Variants in TMEM178B observed in about 807,000 individuals in gnomAD.
TMEM178B encodes transmembrane protein 178B.
In TMEM178B, 5 loss-of-function variants were observed where a neutral mutation model predicts 31.0. The observed-to-expected ratio is 0.16, with a 90% CI of 0.08 to 0.34. The LOEUF (loss-of-function observed/expected upper bound fraction) is 0.34. TMEM178B is among the 10% of genes least tolerant of loss of function. The pLI, the probability that TMEM178B is intolerant of heterozygous loss-of-function variation, is 1.00. For missense variants in TMEM178B, 275 were observed against 400.3 expected (o/e 0.69, Z 2.67); for synonymous variants, 164 against 164.0 (o/e 1.00, Z 0.00).
chr7:141,468,232 G>T (rs771830524), intron 3 of TMEM178B, among the ~76,000 whole-genome samples: 2 of 152,156 alleles, frequency 1.3e-5, no homozygotes, highest in Non-Finnish European at 2.9e-5. Context: ...CATGCCCCAA[G>T]AACTTCTTCA....
At chr7:141,169,717 G>A (rs763042414) in intron 1 of TMEM178B, among the ~76,000 whole-genome samples, 2 of 152,106 alleles carry the variant, frequency 1.3e-5, no homozygotes, top group African/African-American at 2.4e-5. Flanking sequence ...GCCTCAAAAG[G>A]CTCACAGAGA....
chr7:141,390,101 A>G (rs1241418718), intron 2 of TMEM178B, among the ~76,000 whole-genome samples: 1 of 151,874 alleles, frequency 6.6e-6, no homozygotes, highest in East Asian at 1.9e-4. Context: ...TCTCAGGTTA[A>G]AATTCCCTTT....
intron 2 of TMEM178B, among the ~76,000 whole-genome samples, chr7:141,313,400 GCT>G (rs1798947690): frequency 3.9e-5 from 6 of 152,034 alleles, no homozygotes; most frequent in Non-Finnish European, 7.4e-5. Context: ...GCTCTCTCTT[GCT>G]CTCCCCATGT....
At chr7:141,500,170 G>A in the TMEM178B span, among the ~76,000 whole-genome samples, 1 of 151,972 alleles carries the variant, frequency 6.6e-6, no homozygotes, top group Non-Finnish European at 1.5e-5. Context: ...AAAATTTATT[G>A]ACCATCAATT....
At chr7:141,253,438 G>A (rs1797867541) in intron 2 of TMEM178B, among the ~76,000 whole-genome samples, 1 of 149,164 alleles carries the variant, frequency 6.7e-6, no homozygotes, top group African/African-American at 2.5e-5. Context: ...GTTTATCTTT[G>A]TTTACAAAAT....
chr7:141,098,936 T>C (rs1299082476), intron 1 of TMEM178B, among the ~76,000 whole-genome samples: 1 of 152,150 alleles, frequency 6.6e-6, no homozygotes, highest in African/African-American at 2.4e-5. Context: ...TCTGGCTCCA[T>C]CTCGGCCATT....
chr7:141,202,895 G>T (rs925220917), intron 1 of TMEM178B, among the ~76,000 whole-genome samples: 1 of 152,204 alleles, frequency 6.6e-6, no homozygotes, highest in Non-Finnish European at 1.5e-5. Context: ...ACAGGGCTGT[G>T]GGGGGTGTGG....
chr7:141,467,857 G>A (rs1802172746), intron 3 of TMEM178B, among the ~76,000 whole-genome samples: 1 of 151,456 alleles, frequency 6.6e-6, no homozygotes, highest in African/African-American at 2.4e-5. Context: ...TAGGACGAAG[G>A]TATGAGTATT....
At chr7:141,144,812 C>A (rs1795825928) in intron 1 of TMEM178B, among the ~76,000 whole-genome samples, 1 of 152,138 alleles carries the variant, frequency 6.6e-6, no homozygotes, top group Non-Finnish European at 1.5e-5. Flanking sequence ...AATGCCAGGA[C>A]TGGACCCTGC....
At chr7:141,111,365 G>A (rs1039460645) in intron 1 of TMEM178B, among the ~76,000 whole-genome samples, 8 of 152,168 alleles carry the variant, frequency 5.3e-5, no homozygotes, top group African/African-American at 1.9e-4. Context: ...GAGGATTATG[G>A]GAGCTACAAT....
At chr7:141,508,573 A>C in the TMEM178B span, among the ~76,000 whole-genome samples, 635 of 152,286 alleles carry the variant, frequency 4.2e-3, 7 homozygotes, top group African/African-American at 0.015. Context: ...ATAAAGACAT[A>C]CCCAAAACTG....
At chr7:141,234,130 A>C (rs1292473502) in intron 2 of TMEM178B, among the ~76,000 whole-genome samples, 5 of 152,190 alleles carry the variant, frequency 3.3e-5, no homozygotes, top group Non-Finnish European at 7.3e-5. Context: ...AGTTATATGT[A>C]AAGTCTGTGA....
At chr7:141,487,741 CA>C in the TMEM178B span, among the ~76,000 whole-genome samples, 1,783 of 30,210 alleles carry the variant, frequency 0.059, 5 homozygotes, top group Non-Finnish European at 0.082. Context: ...GACTCCGTCT[CA>C]AAAAAAAAAA....
chr7:141,401,698 G>T (rs1422396159), intron 2 of TMEM178B, among the ~76,000 whole-genome samples: 1 of 152,082 alleles, frequency 6.6e-6, no homozygotes, highest in Non-Finnish European at 1.5e-5. Context: ...GAGCCACCGT[G>T]CCCAGCCTGC....
At chr7:141,154,208 T>C (rs1796027970) in intron 1 of TMEM178B, among the ~76,000 whole-genome samples, 1 of 152,274 alleles carries the variant, frequency 6.6e-6, no homozygotes, top group Non-Finnish European at 1.5e-5. Context: ...AGGAAAATTC[T>C]TTAGACAAGG....
At chr7:141,356,968 C>G (rs1799830406) in intron 2 of TMEM178B, among the ~76,000 whole-genome samples, 2 of 151,826 alleles carry the variant, frequency 1.3e-5, no homozygotes, top group Admixed American at 1.3e-4. Context: ...GAGGAAATGC[C>G]CATTATGTAA....
chr7:141,410,630 G>A (rs1483787954), intron 2 of TMEM178B, among the ~76,000 whole-genome samples: 4 of 151,502 alleles, frequency 2.6e-5, no homozygotes, highest in Non-Finnish European at 5.9e-5. Flanking sequence ...CCTGTCACCC[G>A]AGACCTAGAA....
intron 2 of TMEM178B, among the ~76,000 whole-genome samples, chr7:141,312,127 G>A (rs1002982247): frequency 7.2e-5 from 11 of 152,098 alleles, no homozygotes; most frequent in African/African-American, 2.7e-4. Context: ...CATATGCTGT[G>A]GACTCCACTC....
Position 141,282,202 on chromosome 7 carries a change from G to A in TMEM178B, c.496+69498G>A, listed in dbSNP as rs1326305349. 3.3e-5 allele frequency among the ~76,000 whole-genome samples: 5 copies of A among 152,290 alleles called. No individual in the cohort carries two copies. The South Asian group carries it at 6.2e-4, about 19-fold the overall frequency. On this transcript the variant is annotated intron_variant, in intron 2 of 3. Transcript: ENST00000565468. ...GGCCAGGGAAATAGGAGGAAAATCC[G>A]TTGCCAACAGAGAAAATGCAAAGAA...
Sources: gnomAD v4.1 joint callset for allele counts (sites outside exome capture counted in the v4.1 genomes callset) on GRCh38, gnomAD v4.1.1 for gene constraint, MANE v1.5 for transcripts, NCBI Gene and HGNC (gene_info 2026-07-23, HGNC 2026-07-21) for gene names.